IQCJ: variants seen among roughly 807,000 people sequenced by gnomAD.
IQCJ encodes the protein IQ domain-containing protein J.
A neutral mutation model predicts 11.0 loss-of-function variants in IQCJ; 9 were observed. The ratio of observed to expected loss-of-function variants is 0.82; its 90% CI spans 0.49 to 1.43. IQCJ has a LOEUF of 1.43. Among genes scored for constraint, IQCJ ranks in the 40% most tolerant of loss-of-function variants. The probability of loss-of-function intolerance (pLI) is 0.00; values close to 1 mark genes in which losing one functional copy is unlikely to be tolerated. For missense variants in IQCJ, 146 were observed against 133.2 expected, an observed-to-expected ratio of 1.10 and a Z score of -0.47; for synonymous variants, 55 against 51.3, an observed-to-expected ratio of 1.07 and a Z score of -0.31.
chr3:159,173,460 G>A (rs1722609454), intron 1 of IQCJ, among the ~76,000 whole-genome samples: 1 of 152,130 alleles, frequency 6.6e-6, no homozygotes, highest in South Asian at 2.1e-4. Context: ...CTTGCTGACT[G>A]TTGTTTCTTT....
intron 1 of IQCJ, among the ~76,000 whole-genome samples, chr3:159,218,397 G>A (rs1725352927): frequency 6.6e-6 from 1 of 151,572 alleles, no homozygotes; most frequent in African/African-American, 2.4e-5. Flanking sequence ...CATATCAGAA[G>A]TTCAAACATA....
rs1450817910 is a variant in IQCJ, at chr3:159,258,545, A to G, written c.156-4003A>G. ...CACAGTTCACTTGTGGTAAGGATTG[A>G]ATGAGAGAATCAACACAAAAAAGAG... On this transcript the variant is annotated intron_variant, in intron 3 of 3. Transcript: ENST00000397832. Among the ~76,000 whole-genome samples the G allele has an allele frequency of 4.6e-5, 7 of 152,150 alleles. No homozygotes were observed. In the South Asian group the frequency reaches 1.4e-3, roughly 32 times the overall value.
intron 1 of IQCJ, among the ~76,000 whole-genome samples, chr3:159,134,175 G>T (rs1194555576): frequency 1.3e-5 from 2 of 152,076 alleles, no homozygotes; most frequent in Non-Finnish European, 2.9e-5. Flanking sequence ...TCCATGCCAT[G>T]CTGGCTTTTC....
chr3:159,252,293 C>T, intron 2 of IQCJ, among the ~76,000 whole-genome samples: 1 of 152,164 alleles, frequency 6.6e-6, no homozygotes, highest in East Asian at 1.9e-4. Context: ...AGTGGAAGCC[C>T]TGAAACGGCT....
chr3:159,108,474 T>C (rs1378347095), intron 1 of IQCJ, among the ~76,000 whole-genome samples: 1 of 152,128 alleles, frequency 6.6e-6, no homozygotes, highest in Non-Finnish European at 1.5e-5. Flanking sequence ...CAAAGGGGAG[T>C]TTCGTCTTCC....
rs75242734 is a variant in IQCJ at position 159,233,952 on chromosome 3, T to G, written c.10-11891T>G. Among the ~76,000 whole-genome samples, 139 of 152,288 alleles carry G rather than the reference T, an allele frequency of 9.1e-4. 2 individuals are homozygous for G. The East Asian group carries it at 0.025, about 28-fold the overall frequency. On this transcript the variant is annotated intron_variant, in intron 1 of 3. Transcript: ENST00000397832. ...GATCAGACAGTAATTAGATGACGCATCTAATTTAAATGATAAATCCGAGCA... is the reference window on the plus strand; with the variant it reads ...GATCAGACAGTAATTAGATGACGCAGCTAATTTAAATGATAAATCCGAGCA...
At position 159,262,977 on chromosome 3, in the gene IQCJ, T is replaced by C; in HGVS notation, c.*246T>C. The C allele has an allele frequency of 3.3e-6, 4 of 1,201,788 alleles. No homozygotes were observed. The highest frequency in any genetic ancestry group is 4.2e-6 in the Non-Finnish European group (4 of 962,558). 74.4% of individuals were successfully genotyped at this position (1,201,788 alleles called of 1,614,324 possible). ...TTTTGCTTTTCTTTATAATAGCATA[T>C]TTCTTTTAGTATGTGCTGTGTGTTT... On this transcript the variant is annotated 3_prime_UTR_variant, in exon 4 of 4. Coordinates refer to ENST00000397832, the MANE Select transcript of IQCJ (RefSeq NM_001042706.3).
intron 1 of IQCJ, among the ~76,000 whole-genome samples, chr3:159,197,362 A>G (rs187808043): frequency 1.4e-4 from 21 of 152,080 alleles, no homozygotes; most frequent in African/African-American, 4.6e-4. Flanking sequence ...CCTAATTCAA[A>G]CCTCCATTCC....
intron 1 of IQCJ, among the ~76,000 whole-genome samples, chr3:159,091,653 CA>C: frequency 1.8e-5 from 1 of 55,184 alleles, no homozygotes; most frequent in Non-Finnish European, 3.8e-5. Flanking sequence ...TATTTACACA[CA>C]CACACACACA....
At chr3:159,109,714 G>A (rs1718507199) in intron 1 of IQCJ, among the ~76,000 whole-genome samples, 1 of 152,038 alleles carries the variant, frequency 6.6e-6, no homozygotes, top group Admixed American at 6.6e-5. Context: ...GCCTCTGTGT[G>A]TGTTGTGATT....
At chr3:159,177,451 G>A (rs777872000) in intron 1 of IQCJ, among the ~76,000 whole-genome samples, 8 of 152,132 alleles carry the variant, frequency 5.3e-5, no homozygotes, top group Non-Finnish European at 8.8e-5. Flanking sequence ...GGAAAAGTGT[G>A]GCAGTTTCTT....
intron 1 of IQCJ, among the ~76,000 whole-genome samples, chr3:159,210,735 A>G (rs778218326): frequency 2.0e-5 from 3 of 152,058 alleles, no homozygotes; most frequent in South Asian, 2.1e-4. Flanking sequence ...CAGTGGCCCA[A>G]TCTCGGCCCA....
intron 1 of IQCJ, among the ~76,000 whole-genome samples, chr3:159,221,867 G>A (rs1477390225): frequency 3.3e-5 from 5 of 150,926 alleles, no homozygotes; most frequent in African/African-American, 9.7e-5. Context: ...ACACTAAACT[G>A]GAAGACACAC....
At chr3:159,169,689 C>T (rs1275386789) in intron 1 of IQCJ, among the ~76,000 whole-genome samples, 2 of 152,160 alleles carry the variant, frequency 1.3e-5, no homozygotes, top group Non-Finnish European at 2.9e-5. Flanking sequence ...GCTTCACCCA[C>T]CTTCAGAGTT....
At chr3:159,204,313 G>A (rs1259182624) in intron 1 of IQCJ, among the ~76,000 whole-genome samples, 1 of 152,198 alleles carries the variant, frequency 6.6e-6, no homozygotes, top group Non-Finnish European at 1.5e-5. Flanking sequence ...AATGGTTTTA[G>A]TGGGGCCATA....
downstream of IQCJ, chr3:159,265,578 T>C (rs1226446079): frequency 3.9e-6 from 2 of 507,910 alleles, no homozygotes; most frequent in Non-Finnish European, 7.0e-6. Context: ...GAGTTCTTTA[T>C]GCCCTGCCTC....
chr3:159,165,796 T>TA (rs1722133509), intron 1 of IQCJ, among the ~76,000 whole-genome samples: 1 of 149,018 alleles, frequency 6.7e-6, no homozygotes, highest in Admixed American at 6.6e-5. Flanking sequence ...GTATTTTTTT[T>TA]TTTTTTTTTT....
intron 1 of IQCJ, among the ~76,000 whole-genome samples, chr3:159,156,499 A>G (rs1721529804): frequency 6.6e-6 from 1 of 152,262 alleles, no homozygotes; most frequent in South Asian, 2.1e-4. Context: ...GTTTTGCTGT[A>G]GTGGAGTGTT....
intron 1 of IQCJ, among the ~76,000 whole-genome samples, chr3:159,082,310 C>T (rs936330554): frequency 6.6e-6 from 1 of 151,160 alleles, no homozygotes. Flanking sequence ...ATTTGCTTTA[C>T]AGGTATTAAC....
Sources: gnomAD v4.1 joint callset for allele counts (sites outside exome capture counted in the v4.1 genomes callset) on GRCh38, gnomAD v4.1.1 for gene constraint, MANE v1.5 for transcripts, NCBI Gene and HGNC (gene_info 2026-07-23, HGNC 2026-07-21) for gene names.